SGCD: variants seen among roughly 807,000 people sequenced by gnomAD.
SGCD encodes the protein sarcoglycan delta.
Under a neutral mutation model 36.6 loss-of-function variants are expected in SGCD, and 18 were observed. The ratio of observed to expected loss-of-function variants is 0.49; its 90% CI spans 0.34 to 0.73. The LOEUF (loss-of-function observed/expected upper bound fraction) is 0.73, where lower values mean the gene tolerates loss of function less well. SGCD is among the 30% of genes least tolerant of loss of function. The probability of loss-of-function intolerance (pLI) is 0.01; values close to 1 mark genes in which losing one functional copy is unlikely to be tolerated. For missense variants in SGCD, 387 were observed against 346.7 expected (o/e 1.12, Z -0.92); for synonymous variants, 133 against 130.6 (o/e 1.02, Z -0.12).
rs769055661 is a variant in SGCD, at chr5:155,892,045, A to G, written c.-282+21621A>G. Among the ~76,000 whole-genome samples the G allele has an allele frequency of 3.9e-5, 6 of 152,152 alleles. 1 individual carries two copies. The highest frequency in any genetic ancestry group is 7.4e-5 in the Non-Finnish European group (5 of 68,020). ...CTCATTTTTGTTTTTAAATGTGGTCATTGCTGATTTTGAATTGTATTTTGA... is the reference window on the plus strand; with the variant it reads ...CTCATTTTTGTTTTTAAATGTGGTCGTTGCTGATTTTGAATTGTATTTTGA... On this transcript the variant is annotated intron_variant, in intron 1 of 9. Transcript: ENST00000517913.
At chr5:155,924,160 CAT>C (rs2113379501) in intron 1 of SGCD, among the ~76,000 whole-genome samples, 1 of 152,252 alleles carries the variant, frequency 6.6e-6, no homozygotes, top group South Asian at 2.1e-4. Flanking sequence ...AGAAAGAAAA[CAT>C]AGTTGAAAGA....
chr5:155,768,163 G>T, the SGCD span, among the ~76,000 whole-genome samples: 21 of 152,226 alleles, frequency 1.4e-4, no homozygotes, highest in East Asian at 3.7e-3. Flanking sequence ...GGAAGGAAAT[G>T]AAATTTGTAT....
intron 4 of SGCD, among the ~76,000 whole-genome samples, chr5:156,517,643 C>A (rs1581106964): frequency 1.3e-5 from 2 of 152,116 alleles, no homozygotes; most frequent in East Asian, 3.9e-4. Context: ...AACAGCAGAC[C>A]CCCCTCAGCA....
At chr5:155,793,404 C>T in the SGCD span, among the ~76,000 whole-genome samples, 2 of 151,808 alleles carry the variant, frequency 1.3e-5, no homozygotes, top group African/African-American at 2.4e-5. Flanking sequence ...ATAATAATTA[C>T]AAACAATCCA....
At chr5:156,336,141 C>T (rs758220000) in intron 2 of SGCD, among the ~76,000 whole-genome samples, 2 of 152,212 alleles carry the variant, frequency 1.3e-5, no homozygotes, top group Non-Finnish European at 2.9e-5. Context: ...TCCTCCGGTG[C>T]ACTCTGATCT....
chr5:156,667,133 T>A (rs1311990918), intron 7 of SGCD, among the ~76,000 whole-genome samples: 1 of 152,216 alleles, frequency 6.6e-6, no homozygotes, highest in Non-Finnish European at 1.5e-5. Flanking sequence ...CAACCTGTAA[T>A]GCAGGTATTT....
rs1480572919 is a variant in SGCD at position 155,941,543 on chromosome 5, AT to A, written c.-282+71121del. On this transcript the variant is annotated intron_variant, in intron 1 of 9. Transcript: ENST00000517913. ...ATTGCTATTAATAACCATTGATATT[AT>A]TATTTAAATAATTATATTGCTGTTA... is the stretch of plus-strand genomic sequence containing the variant. 1.4e-4 allele frequency among the ~76,000 whole-genome samples: 21 copies of A among 151,042 alleles called. No homozygotes were observed. The East Asian group carries it at 3.9e-3, about 28-fold the overall frequency.
intron 3 of SGCD, among the ~76,000 whole-genome samples, chr5:156,389,251 GCCA>G (rs1353575243): frequency 6.6e-6 from 1 of 152,178 alleles, no homozygotes; most frequent in Non-Finnish European, 1.5e-5. Context: ...TTGAAATTGT[GCCA>G]TGGAGGGCTT....
intron 7 of SGCD, among the ~76,000 whole-genome samples, chr5:156,750,341 A>T (rs1757104507): frequency 6.6e-6 from 1 of 152,148 alleles, no homozygotes; most frequent in Non-Finnish European, 1.5e-5. Flanking sequence ...TCTAATCAAC[A>T]CTGTATTGTA....
chr5:156,136,114 T>A (rs1762450207), intron 3 of SGCD, among the ~76,000 whole-genome samples: 1 of 152,140 alleles, frequency 6.6e-6, no homozygotes, highest in Non-Finnish European at 1.5e-5. Flanking sequence ...GTTTTTATAT[T>A]TATTTATTTA....
At chr5:156,758,786 A>G (rs982956788) in intron 8 of SGCD, among the ~76,000 whole-genome samples, 1 of 121,476 alleles carries the variant, frequency 8.2e-6, no homozygotes, top group Non-Finnish European at 1.6e-5. Context: ...AAATTGTTAG[A>G]AAAAAAAAAA....
rs558235118 is a variant in SGCD, at chr5:156,767,457, TG to T, written c.*8069del. 2.6e-4 allele frequency: 35 copies of T among 136,884 alleles called. No homozygotes were observed. The East Asian group carries it at 6.5e-3, about 25-fold the overall frequency. The allele number at this position is 136,884 out of a possible 1,614,324, so 8.5% of individuals were successfully genotyped here. A position where few individuals can be genotyped will look rare whatever the true frequency, so the allele number is the denominator to read the frequency against. The stretch of plus-strand genomic sequence containing the variant: ...GTTCTTAACCAAAATGGTGAGGTCA[TG>T]GAAGTCCCATTTGCTTGGAGATTTT... On this transcript the variant is annotated 3_prime_UTR_variant, in exon 9 of 9. Transcript: ENST00000337851.
At chr5:155,868,369 T>C (rs1457221891), upstream of SGCD, among the ~76,000 whole-genome samples, 17 of 148,226 alleles carry the variant, frequency 1.1e-4, no homozygotes, top group Admixed American at 2.0e-4. Context: ...TCTTTTTTTT[T>C]TTTTTTTTTT....
At chr5:156,241,182 AT>A (rs756994521) in intron 3 of SGCD, among the ~76,000 whole-genome samples, 79 of 152,216 alleles carry the variant, frequency 5.2e-4, no homozygotes, top group Middle Eastern at 3.4e-3. Flanking sequence ...AAGATGAGAA[AT>A]TGATATTCAG....
intron 1 of SGCD, among the ~76,000 whole-genome samples, chr5:155,968,822 G>A (rs1757952899): frequency 6.6e-6 from 1 of 152,078 alleles, no homozygotes; most frequent in African/African-American, 2.4e-5. Context: ...CTAGTTAAAT[G>A]TGTGGGTGTG....
At chr5:155,764,087 A>C in the SGCD span, among the ~76,000 whole-genome samples, 1 of 152,192 alleles carries the variant, frequency 6.6e-6, no homozygotes, top group Non-Finnish European at 1.5e-5. Context: ...ACTGTGTCCC[A>C]GTCAGTATAA....
At chr5:155,820,662 A>G in the SGCD span, among the ~76,000 whole-genome samples, 1 of 152,166 alleles carries the variant, frequency 6.6e-6, no homozygotes, top group African/African-American at 2.4e-5. Flanking sequence ...GTGGCTCTGC[A>G]CTTCAGCCTG....
At chr5:156,508,941 T>C (rs1756822281) in intron 4 of SGCD, among the ~76,000 whole-genome samples, 1 of 152,318 alleles carries the variant, frequency 6.6e-6, no homozygotes, top group East Asian at 1.9e-4. Context: ...CCCAGCTTTA[T>C]AGATTGTGCC....
the SGCD span, among the ~76,000 whole-genome samples, chr5:155,763,862 CCTCT>C: frequency 0.23 from 34,111 of 148,256 alleles, 4,304 homozygotes; most frequent in Admixed American, 0.42. Context: ...CAATTATATA[CCTCT>C]CTCTCTCTCT....
Sources: gnomAD v4.1 joint callset for allele counts (sites outside exome capture counted in the v4.1 genomes callset) on GRCh38, gnomAD v4.1.1 for gene constraint, MANE v1.5 for transcripts, NCBI Gene and HGNC (gene_info 2026-07-23, HGNC 2026-07-21) for gene names.